TBATA: variants seen among roughly 807,000 people sequenced by gnomAD.
TBATA encodes the protein thymus, brain and testes associated.
A neutral mutation model predicts 38.7 loss-of-function variants in TBATA; 47 were observed. That is an observed-to-expected ratio of 1.21 (90% confidence interval 0.96 to 1.55). The LOEUF (loss-of-function observed/expected upper bound fraction) is 1.55, where lower values mean the gene tolerates loss of function less well. Among genes scored for constraint, TBATA ranks in the 40% most tolerant of loss-of-function variants. TBATA has a pLI of 0.00. For missense variants in TBATA, 436 were observed against 435.6 expected, an observed-to-expected ratio of 1.00 and a Z score of -0.01; for synonymous variants, 183 against 170.5, an observed-to-expected ratio of 1.07 and a Z score of -0.57.
chr10:70,778,973 T>C (rs1843778782), intron 5 of TBATA, among the ~76,000 whole-genome samples: 1 of 152,220 alleles, frequency 6.6e-6, no homozygotes, highest in Non-Finnish European at 1.5e-5. Context: ...TTGCCTCTTT[T>C]AGGTCCCTGA....
Position 70,779,638 on chromosome 10 carries a change from G to C in TBATA, c.382C>G (p.Pro128Ala). ...CGATTAGACTGTGGGTCTCCAATGG[G>C]GACAGAGATGGTGGGTATCCCCATT... ...CQMGIPTISVPIGDPQSNRNP... is the reference protein window; with the variant it reads ...CQMGIPTISVAIGDPQSNRNP... The change falls in exon 5 of 11, where the codon CCC becomes GCC. Residue 128 changes from proline to alanine, a missense_variant. By Grantham distance (27) the Pro-to-Ala change is conservative. Transcript: ENST00000456372. The C allele has an allele frequency of 6.5e-7, 1 of 1,531,442 alleles. No individual in the cohort carries two copies. 94.9% of individuals were successfully genotyped at this position (1,531,442 alleles called of 1,614,324 possible). A position where few individuals can be genotyped will look rare whatever the true frequency, so the allele number is the denominator to read the frequency against.
intron 6 of TBATA, 49 bp downstream of exon 6, chr10:70,778,508 A>C: frequency 3.9e-6 from 6 of 1,548,748 alleles, no homozygotes; most frequent in African/African-American, 1.4e-5. Context: ...TACACAGGGA[A>C]GGATCCGTTT....
intron 6 of TBATA, 93 bp downstream of exon 6, chr10:70,778,464 C>G: frequency 1.6e-6 from 2 of 1,281,664 alleles, no homozygotes. Flanking sequence ...CACCCCACCT[C>G]TGGTAGGCTG....
At chr10:70,776,740 A>G (rs989340132) in intron 7 of TBATA, among the ~76,000 whole-genome samples, 4 of 152,134 alleles carry the variant, frequency 2.6e-5, no homozygotes, top group African/African-American at 9.7e-5. Context: ...CTCTGGGCTC[A>G]CTGAAGCACA....
chr10:70,782,345 A>C, intron 3 of TBATA: 5 of 1,400,058 alleles, frequency 3.6e-6, no homozygotes, highest in Non-Finnish European at 3.8e-6. Flanking sequence ...GAGAAGCTGC[A>C]GACCCACCTA....
Position 70,783,429 on chromosome 10 carries a change from A to G in TBATA, c.-50T>C, listed in dbSNP as rs766030065. The G allele has an allele frequency of 1.7e-5, 28 of 1,600,040 alleles. No homozygotes were observed. In the Middle Eastern group the frequency reaches 5.0e-4, roughly 28 times the overall value. ...GCCAGTGCACTTAATACTAGCGTTG[A>G]GGATGCAGAACAGGAACTCTCACTT... On this transcript the variant is annotated 5_prime_UTR_variant, in exon 3 of 11. Coordinates refer to ENST00000456372, the MANE Select transcript of TBATA (RefSeq NM_001318241.2).
intron 9 of TBATA, among the ~76,000 whole-genome samples, chr10:70,773,908 T>C (rs1357349952): frequency 1.3e-5 from 2 of 152,238 alleles, no homozygotes; most frequent in African/African-American, 4.8e-5. Context: ...TGTCTTCCCA[T>C]AGACCAAAGA....
At chr10:70,772,295 C>A (rs1331341324) in intron 10 of TBATA, 1 of 704,606 alleles carries the variant, frequency 1.4e-6, no homozygotes, top group Admixed American at 2.0e-5. Flanking sequence ...ACAGCAGGAA[C>A]TTGTCTGAAT....
chr10:70,772,623 G>T, intron 9 of TBATA, 57 bp from the exon 10 acceptor site: 1 of 1,572,820 alleles, frequency 6.4e-7, no homozygotes, highest in Non-Finnish European at 8.8e-7. Context: ...CTGACCCCAC[G>T]GGTGGCAGGG....
At chr10:70,778,687 C>A (rs777773774) in intron 5 of TBATA, 51 bp from the exon 6 acceptor site, 27 of 1,502,220 alleles carry the variant, frequency 1.8e-5, no homozygotes, top group Non-Finnish European at 2.3e-5. Context: ...GCCCTCCTCC[C>A]CTCCCTGTGC....
chr10:70,776,007 G>A (rs990157129), intron 7 of TBATA, among the ~76,000 whole-genome samples: 1 of 152,220 alleles, frequency 6.6e-6, no homozygotes, highest in African/African-American at 2.4e-5. Context: ...GGCTATGGGG[G>A]CTCCCTAGGC....
At chr10:70,783,912 A>G (rs529354235) in intron 2 of TBATA, among the ~76,000 whole-genome samples, 1 of 152,392 alleles carries the variant, frequency 6.6e-6, no homozygotes, top group Non-Finnish European at 1.5e-5. Context: ...ACTATTAAAT[A>G]GGCTGCAGTA....
At chr10:70,776,771 G>A (rs1265636777) in intron 7 of TBATA, among the ~76,000 whole-genome samples, 2 of 152,206 alleles carry the variant, frequency 1.3e-5, no homozygotes, top group Non-Finnish European at 2.9e-5. Context: ...CTCGCTGAGT[G>A]TGGACACCAG....
chr10:70,777,437 G>A (rs529430387), intron 6 of TBATA, 99 bp from the exon 7 acceptor site: 257 of 1,114,948 alleles, frequency 2.3e-4, no homozygotes, highest in South Asian at 6.2e-4. Context: ...CAATCCCAGG[G>A]CACTTCGCCT....
chr10:70,780,273 T>TGGG (rs1289579204), intron 4 of TBATA, among the ~76,000 whole-genome samples: 1 of 104,974 alleles, frequency 9.5e-6, no homozygotes, highest in Non-Finnish European at 2.2e-5. Flanking sequence ...CGTTTGCACT[T>TGGG]GAGGACCCTT....
At chr10:70,777,452 A>G in intron 6 of TBATA, 114 bp from the exon 7 acceptor site, 1 of 943,404 alleles carries the variant, frequency 1.1e-6, no homozygotes, top group Non-Finnish European at 1.6e-6. Flanking sequence ...TCGCCTCCCA[A>G]ATCCCAGCAT....
At position 70,781,994 on chromosome 10, in the gene TBATA, C is replaced by T; in HGVS notation, c.84G>A (p.Lys28=). Residue 28 remains lysine (K), a synonymous_variant, in exon 4 of 11, where the codon AAG becomes AAA. Coordinates refer to ENST00000456372, the MANE Select transcript of TBATA (RefSeq NM_001318241.2). Reference sequence around the variant, plus strand: ...GCCCACTGTCCCTGGGGCTCCTTGGCTTGCGCCCTGACTTCTTCTCCAGTT... The same window carrying T: ...GCCCACTGTCCCTGGGGCTCCTTGGTTTGCGCCCTGACTTCTTCTCCAGTT... The part of the protein sequence containing the change: ...ELKLEKKSGR[K]PRSPRDSGPQ... The T allele has an allele frequency of 6.2e-7, 1 of 1,614,256 alleles. No individual in the cohort carries two copies. The highest frequency in any genetic ancestry group is 8.5e-7 in the Non-Finnish European group (1 of 1,180,048).
chr10:70,776,134 C>G lies in TBATA; in HGVS notation c.694-864G>C, dbSNP rs1263784955. Among the ~76,000 whole-genome samples the G allele has an allele frequency of 2.6e-5, 4 of 152,138 alleles. No homozygotes were observed. In the East Asian group the frequency reaches 7.7e-4, roughly 29 times the overall value. On this transcript the variant is annotated intron_variant, in intron 7 of 10. Coordinates refer to ENST00000456372, the MANE Select transcript of TBATA (RefSeq NM_001318241.2). ...CCCTCAGCTCCTGGCGGTCAGTCAT[C>G]CTAGGACCTGGAGGGGCCCGTCGGT...
chr10:70,773,190 C>G (rs1377737816), intron 9 of TBATA, among the ~76,000 whole-genome samples: 1 of 152,036 alleles, frequency 6.6e-6, no homozygotes, highest in African/African-American at 2.4e-5. Flanking sequence ...GAAGGGAACA[C>G]CAAGTCCAAG....
Sources: allele counts gnomAD v4.1 joint callset (sites outside exome capture counted in the v4.1 genomes callset), GRCh38; gene constraint gnomAD v4.1.1; transcripts MANE v1.5; gene names NCBI Gene and HGNC (gene_info 2026-07-23, HGNC 2026-07-21).